The following SLCO2B1 variants were observed in gnomAD, a reference collection of about 807,000 sequenced individuals.
The protein encoded by SLCO2B1 is OATP-RP2.
A neutral mutation model predicts 67.3 loss-of-function variants in SLCO2B1; 41 were observed. That is an observed-to-expected ratio of 0.61 (90% CI 0.47 to 0.79). SLCO2B1 has a LOEUF of 0.79. Among genes scored for constraint, SLCO2B1 ranks in the 30% least tolerant of loss-of-function variants. The pLI is 0.00. For synonymous variants in SLCO2B1, 379 were observed against 381.4 expected, an observed-to-expected ratio of 0.99 and a Z score of 0.07; for missense variants, 837 against 920.1, an observed-to-expected ratio of 0.91 and a Z score of 1.17.
At chr11:75,175,588 C>T (rs1565539955) in intron 7 of SLCO2B1, among the ~76,000 whole-genome samples, 2 of 151,956 alleles carry the variant, frequency 1.3e-5, no homozygotes, top group African/African-American at 2.4e-5. Flanking sequence ...GAATTATGTG[C>T]CCCCGAGAAG....
At chr11:75,197,592 T>A (rs1945119013) in intron 10 of SLCO2B1, among the ~76,000 whole-genome samples, 2 of 152,148 alleles carry the variant, frequency 1.3e-5, no homozygotes, top group South Asian at 4.1e-4. Flanking sequence ...TGGGAAGCCA[T>A]GGATGGGTTT....
At chr11:75,202,495 C>CAA (rs1945197218) in intron 11 of SLCO2B1, 1 of 215,220 alleles carries the variant, frequency 4.6e-6, no homozygotes, top group African/African-American at 2.2e-5. Flanking sequence ...TAAATGCCAG[C>CAA]CACTGGTGTT....
chr11:75,156,581 GT>G (rs1555135955), intron 1 of SLCO2B1, among the ~76,000 whole-genome samples: 1 of 152,130 alleles, frequency 6.6e-6, no homozygotes, highest in Non-Finnish European at 1.5e-5. Flanking sequence ...TGCTGCTGAT[GT>G]TACCAGAAAG....
At chr11:75,173,841 G>A (rs745351604) in intron 7 of SLCO2B1, among the ~76,000 whole-genome samples, 2 of 152,198 alleles carry the variant, frequency 1.3e-5, no homozygotes, top group Non-Finnish European at 2.9e-5. Context: ...TTTTGAGACA[G>A]AGTCTTACCC....
chr11:75,199,400 G>C (rs942489496), intron 10 of SLCO2B1, among the ~76,000 whole-genome samples: 13 of 152,026 alleles, frequency 8.6e-5, no homozygotes, highest in Non-Finnish European at 2.9e-5. Flanking sequence ...CTCTATGATG[G>C]GCTCCTTGGC....
At chr11:75,161,900 A>T (rs1949825820) in intron 1 of SLCO2B1, among the ~76,000 whole-genome samples, 1 of 152,138 alleles carries the variant, frequency 6.6e-6, no homozygotes, top group African/African-American at 2.4e-5. Context: ...GATGGTTACC[A>T]TAGTTACCAT....
At chr11:75,169,914 A>C in intron 6 of SLCO2B1, 150 bp downstream of exon 6, 1 of 623,826 alleles carries the variant, frequency 1.6e-6, no homozygotes, top group Non-Finnish European at 2.9e-6. Flanking sequence ...CAGCTTTCTC[A>C]TCTGTGAGAT....
intron 3 of SLCO2B1, among the ~76,000 whole-genome samples, chr11:75,164,318 G>GTCCTGGAATATTTCTGGAATAT (rs753012451): frequency 9.7e-4 from 148 of 152,124 alleles, no homozygotes; most frequent in Non-Finnish European, 1.8e-3. Context: ...AATGGGTCGG[G>GTCCTGGAATATTTCTGGAATAT]TCCTGGAATA....
intron 7 of SLCO2B1, among the ~76,000 whole-genome samples, chr11:75,176,801 T>A (rs1017714840): frequency 6.6e-5 from 10 of 152,164 alleles, no homozygotes; most frequent in East Asian, 1.9e-4. Context: ...CATCTGTGAG[T>A]TCTGAGGTGC....
At chr11:75,176,289 G>C (rs1185709962) in intron 7 of SLCO2B1, among the ~76,000 whole-genome samples, 1 of 152,126 alleles carries the variant, frequency 6.6e-6, no homozygotes, top group African/African-American at 2.4e-5. Flanking sequence ...ACCTGCCCTT[G>C]GGACTGGGTC....
rs761602707 is a variant in SLCO2B1 at position 75,164,124 on chromosome 11, G to C, written c.285+24G>C. 26 of 1,602,626 alleles carry C rather than the reference G, an allele frequency of 1.6e-5. No homozygotes were observed. In the East Asian group the frequency reaches 5.8e-4, roughly 36 times the overall value. On this transcript the variant is annotated intron_variant, in intron 3 of 13. Transcript: ENST00000289575. ...AGGTACAGGCCCCACCCAGCCACAGGGGTGGACACTGAGGGAGGCTTGCAC... is the reference window on the plus strand; with the variant it reads ...AGGTACAGGCCCCACCCAGCCACAGCGGTGGACACTGAGGGAGGCTTGCAC...
chr11:75,175,347 G>C (rs147259590), intron 7 of SLCO2B1, among the ~76,000 whole-genome samples: 6 of 152,164 alleles, frequency 3.9e-5, no homozygotes, highest in African/African-American at 1.4e-4. Context: ...CAGGAGCAAA[G>C]GCCCAATGAG....
At chr11:75,195,417 T>G (rs1945084851) in intron 9 of SLCO2B1, among the ~76,000 whole-genome samples, 1 of 148,562 alleles carries the variant, frequency 6.7e-6, no homozygotes, top group Non-Finnish European at 1.5e-5. Flanking sequence ...ACACAAGCAC[T>G]GTCTGGCAGA....
intron 8 of SLCO2B1, among the ~76,000 whole-genome samples, chr11:75,192,958 A>G (rs1945045735): frequency 6.6e-6 from 1 of 152,120 alleles, no homozygotes; most frequent in African/African-American, 2.4e-5. Flanking sequence ...GCCGAGAATC[A>G]CTTGAACCCA....
chr11:75,172,377 A>C lies in SLCO2B1; in HGVS notation c.782-2A>C. On this transcript the variant is annotated splice_acceptor_variant, in intron 6 of 13. Transcript: ENST00000289575. LOFTEE classifies it high-confidence loss of function. ...TAATGTCACCATGCTCTTCTCTTCC[A>C]GGTGGTATCAGCCTGACCATAAAGG... is the stretch of plus-strand genomic sequence containing the variant. 6.2e-7 allele frequency: 1 copy of C among 1,610,972 alleles called. No homozygotes were observed. Among genetic ancestry groups the C allele is most frequent in the Non-Finnish European group, 8.5e-7 (1 of 1,178,046 alleles).
intron 7 of SLCO2B1, among the ~76,000 whole-genome samples, chr11:75,187,195 G>A (rs1206016416): frequency 6.6e-6 from 1 of 152,226 alleles, no homozygotes. Flanking sequence ...CCAGCATACA[G>A]TAAGTGCTTA....
chr11:75,177,592 GGTGGTGGGCTGGAC>G (rs1171024723), intron 7 of SLCO2B1, among the ~76,000 whole-genome samples: 1 of 152,160 alleles, frequency 6.6e-6, no homozygotes, highest in East Asian at 1.9e-4. Flanking sequence ...GTGGTCCAGT[GGTGGTGGGCTGGAC>G]AGAGAATCAC....
rs1345317986 is a variant in SLCO2B1 at position 75,200,550 on chromosome 11, G to C, written c.1763+163G>C. 9.9e-6 allele frequency: 6 copies of C among 608,164 alleles called. No individual in the cohort carries two copies. In the South Asian group the frequency reaches 1.6e-4, roughly 16 times the overall value. 37.7% of individuals were successfully genotyped at this position (608,164 alleles called of 1,614,324 possible). A position where few individuals can be genotyped will look rare whatever the true frequency, so the allele number is the denominator to read the frequency against. ...GTTCATCCCATGGCAACCTACTGAG[G>C]CAAGGTTTTCTCCCCATCTTGCAGA... On this transcript the variant is annotated intron_variant, in intron 11 of 13. Coordinates refer to ENST00000289575, the MANE Select transcript of SLCO2B1 (RefSeq NM_007256.5).
Position 75,200,279 on chromosome 11 carries a change from C to A in SLCO2B1, c.1655C>A (p.Ser552Tyr). 6.2e-7 allele frequency: 1 copy of A among 1,613,978 alleles called. No individual in the cohort carries two copies. The highest frequency in any genetic ancestry group is 8.5e-7 in the Non-Finnish European group (1 of 1,179,962). Residue 552 changes from serine to tyrosine, a missense_variant, in exon 11 of 14, where the codon TCC becomes TAC. Physicochemically the swap from Ser to Tyr is moderately radical, Grantham distance 144. Coordinates refer to ENST00000289575, the MANE Select transcript of SLCO2B1 (RefSeq NM_007256.5). ...GAGGGCAACCCCGTGCTGGCAGGAT[C>A]CTGCGACTCAACGTGCAGCCATCTG... is the stretch of plus-strand genomic sequence containing the variant. ...VVEGNPVLAG[S>Y]CDSTCSHLVV...
Sources: allele counts gnomAD v4.1 joint callset (sites outside exome capture counted in the v4.1 genomes callset), GRCh38; gene constraint gnomAD v4.1.1; transcripts MANE v1.5; gene names NCBI Gene and HGNC (gene_info 2026-07-23, HGNC 2026-07-21).